Variants in TENM4 observed in about 807,000 individuals in gnomAD.
The protein encoded by TENM4 is teneurin-4.
TENM4 carries 82 observed loss-of-function variants against 243.3 expected under a neutral mutation model. That is an observed-to-expected ratio of 0.34 (90% CI 0.28 to 0.40). The LOEUF is 0.40. Ranked by LOEUF, TENM4 falls within the 10% of genes least tolerant of loss-of-function variation. The probability of loss-of-function intolerance (pLI) is 1.00; values close to 1 mark genes in which losing one functional copy is unlikely to be tolerated. For missense variants in TENM4, 3,138 were observed against 3,673.3 expected (o/e 0.85, Z 3.77); for synonymous variants, 1,412 against 1,456.3 (o/e 0.97, Z 0.69).
chr11:78,736,479 T>TGTGTGTGTGTGCGCGCGCGC (rs796898751), intron 20 of TENM4, among the ~76,000 whole-genome samples: 2 of 99,334 alleles, frequency 2.0e-5, no homozygotes, highest in Admixed American at 1.0e-4. Context: ...TGTGTGTGTG[T>TGTGTGTGTGTGCGCGCGCGC]GCGCGCGCGT....
chr11:79,050,985 G>T (rs1337273961), intron 6 of TENM4, among the ~76,000 whole-genome samples: 3 of 152,182 alleles, frequency 2.0e-5, no homozygotes, highest in Non-Finnish European at 4.4e-5. Flanking sequence ...CTGTGCATGC[G>T]TGTGGAGTCA....
intron 14 of TENM4, among the ~76,000 whole-genome samples, chr11:78,808,474 T>C (rs138527268): frequency 2.8e-4 from 43 of 152,370 alleles, no homozygotes; most frequent in Admixed American, 7.8e-4. Context: ...TTTTATCATG[T>C]TCATTTGACA....
At chr11:78,993,175 C>T (rs1218738063) in intron 6 of TENM4, among the ~76,000 whole-genome samples, 1 of 152,192 alleles carries the variant, frequency 6.6e-6, no homozygotes, top group Admixed American at 6.5e-5. Flanking sequence ...GGGCATGAAG[C>T]ATAGACCCAA....
chr11:79,256,809 G>A (rs1448770139), intron 2 of TENM4, among the ~76,000 whole-genome samples: 1 of 152,108 alleles, frequency 6.6e-6, no homozygotes, highest in African/African-American at 2.4e-5. Flanking sequence ...GGGCTTTCTG[G>A]GAATAGGGCT....
At chr11:78,696,016 A>G (rs1858952032) in intron 28 of TENM4, among the ~76,000 whole-genome samples, 1 of 151,624 alleles carries the variant, frequency 6.6e-6, no homozygotes, top group African/African-American at 2.4e-5. Context: ...TTCCAATTAC[A>G]TGTATATCAG....
intron 6 of TENM4, among the ~76,000 whole-genome samples, chr11:78,998,580 T>A (rs1858234715): frequency 7.6e-6 from 1 of 131,606 alleles, no homozygotes; most frequent in African/African-American, 2.7e-5. Context: ...ATATTTTAGG[T>A]AAGAACAGTG....
chr11:78,874,423 ACAGTCTGTGTTTAAT>A (rs1859214027), intron 9 of TENM4, among the ~76,000 whole-genome samples: 1 of 152,208 alleles, frequency 6.6e-6, no homozygotes, highest in African/African-American at 2.4e-5. Flanking sequence ...CTAATGTAAT[ACAGTCTGTGTTTAAT>A]ACACAGACTG....
Position 78,672,146 on chromosome 11 carries a change from C to T in TENM4, c.5680G>A (p.Ala1894Thr). 6.2e-7 allele frequency: 1 copy of T among 1,613,846 alleles called. No individual in the cohort carries two copies. Residue 1894 changes from alanine (A) to threonine (T), a missense_variant, in exon 31 of 34, where the codon GCT becomes ACT. Transcript: ENST00000278550. ...NVTYSPGGYI[A>T]GIQRGIMSER... The stretch of plus-strand genomic sequence containing the variant: ...GACATGATGCCCCTCTGGATGCCAG[C>T]AATGTAACCCCCAGGGGAGTATGTC...
In TENM4 at chr11:78,725,703, T is replaced by G. The variant is rs114633134; in HGVS notation, c.3550+376A>C. ...GCTAATCCTATAGACCCTCTGAGACTCATTTCAGGAGTTCTTGCCAAAGAG... is the reference window on the plus strand; with the variant it reads ...GCTAATCCTATAGACCCTCTGAGACGCATTTCAGGAGTTCTTGCCAAAGAG... On this transcript the variant is annotated intron_variant, in intron 23 of 33. Coordinates refer to ENST00000278550, the MANE Select transcript of TENM4 (RefSeq NM_001098816.3). Among the ~76,000 whole-genome samples the G allele has an allele frequency of 6.9e-3, 1,056 of 152,340 alleles. 6 individuals carry two copies. Among genetic ancestry groups the G allele is most frequent in the African/African-American group, 0.024 (996 of 41,584 alleles).
intron 6 of TENM4, among the ~76,000 whole-genome samples, chr11:79,031,243 A>G (rs1307846600): frequency 6.6e-6 from 1 of 152,204 alleles, no homozygotes; most frequent in Non-Finnish European, 1.5e-5. Context: ...GCTGACTGAC[A>G]AAATGCCTAC....
intron 12 of TENM4, among the ~76,000 whole-genome samples, chr11:78,843,112 C>T (rs1364993238): frequency 1.3e-5 from 2 of 151,996 alleles, no homozygotes; most frequent in African/African-American, 4.8e-5. Flanking sequence ...AATCCCTTCT[C>T]TACTAAAAAT....
intron 1 of TENM4, among the ~76,000 whole-genome samples, chr11:79,334,937 A>G (rs1383057564): frequency 6.6e-6 from 1 of 152,184 alleles, no homozygotes; most frequent in African/African-American, 2.4e-5. Context: ...GGGGTCCTGC[A>G]TCATACCGTG....
intron 1 of TENM4, among the ~76,000 whole-genome samples, chr11:79,316,619 T>C (rs767855926): frequency 1.3e-5 from 2 of 152,202 alleles, no homozygotes; most frequent in African/African-American, 2.4e-5. Flanking sequence ...AGTGAGTTTA[T>C]ATGTTTCGAT....
intron 20 of TENM4, among the ~76,000 whole-genome samples, chr11:78,736,477 T>TGTGC (rs1555073139): frequency 2.9e-5 from 3 of 102,128 alleles, no homozygotes; most frequent in Admixed American, 1.8e-4. Flanking sequence ...TGTGTGTGTG[T>TGTGC]GTGCGCGCGC....
intron 32 of TENM4, among the ~76,000 whole-genome samples, chr11:78,665,165 C>T (rs1858124008): frequency 6.6e-6 from 1 of 151,510 alleles, no homozygotes; most frequent in Non-Finnish European, 1.5e-5. Flanking sequence ...TCTTTTCTTT[C>T]TTTCTCTTTC....
intron 1 of TENM4, among the ~76,000 whole-genome samples, chr11:79,311,328 G>A (rs1464012214): frequency 2.0e-5 from 3 of 152,118 alleles, no homozygotes; most frequent in Non-Finnish European, 4.4e-5. Flanking sequence ...GGACTTCTGC[G>A]ATGACAGTGA....
At chr11:78,916,363 G>A (rs1416236994) in intron 6 of TENM4, among the ~76,000 whole-genome samples, 1 of 152,118 alleles carries the variant, frequency 6.6e-6, no homozygotes, top group Non-Finnish European at 1.5e-5. Flanking sequence ...TAGCTCCTTG[G>A]AATTACATCT....
chr11:79,387,204 A>T (rs1262063968), intron 1 of TENM4, among the ~76,000 whole-genome samples: 6 of 152,250 alleles, frequency 3.9e-5, no homozygotes, highest in Non-Finnish European at 7.3e-5. Context: ...GGCCAACCAA[A>T]TCTATAGTAT....
chr11:79,218,744 C>A (rs1464813771), intron 2 of TENM4, among the ~76,000 whole-genome samples: 1 of 151,882 alleles, frequency 6.6e-6, no homozygotes, highest in African/African-American at 2.4e-5. Flanking sequence ...CCTTTTTTTC[C>A]CAGAGTACCT....
Sources: allele counts gnomAD v4.1 joint callset (sites outside exome capture counted in the v4.1 genomes callset), GRCh38; gene constraint gnomAD v4.1.1; transcripts MANE v1.5; gene names NCBI Gene and HGNC (gene_info 2026-07-23, HGNC 2026-07-21).